ARHGAP39: variants seen among roughly 807,000 people sequenced by gnomAD.
ARHGAP39 encodes the protein rho GTPase-activating protein 39.
ARHGAP39 carries 44 observed loss-of-function variants against 106.9 expected under a neutral mutation model. The observed-to-expected ratio is 0.41, with a 90% confidence interval of 0.32 to 0.53. The LOEUF is 0.53. Among genes scored for constraint, ARHGAP39 ranks in the 20% least tolerant of loss-of-function variants. The pLI, the probability that ARHGAP39 is intolerant of heterozygous loss-of-function variation, is 0.21. For synonymous variants in ARHGAP39, 768 were observed against 693.2 expected, an observed-to-expected ratio of 1.11 and a Z score of -1.69; for missense variants, 1,496 against 1,577.3, an observed-to-expected ratio of 0.95 and a Z score of 0.87.
Position 144,646,524 on chromosome 8 carries a change from G to A in ARHGAP39, c.-82+39162C>T, listed in dbSNP as rs1821448296. On this transcript the variant is annotated intron_variant, in intron 1 of 11. Transcript: ENST00000377307. The surrounding 1 kb of genome is among the most constrained non-coding windows in gnomAD (Gnocchi z 5.7). ...TAGCAGGGACACCAAAAGACAGGAG[G>A]CGAATCGGCTGCCTCTGAGAACAAC... 6.6e-6 allele frequency among the ~76,000 whole-genome samples: 1 copy of A among 152,160 alleles called. No individual in the cohort carries two copies. The highest frequency in any genetic ancestry group is 2.1e-4 in the South Asian group (1 of 4,826).
intron 9 of ARHGAP39, among the ~76,000 whole-genome samples, 178 bp downstream of exon 9, chr8:144,532,948 G>A (rs1488402515): frequency 6.6e-6 from 1 of 152,204 alleles, no homozygotes; most frequent in African/African-American, 2.4e-5. Flanking sequence ...CCTCTCTCCT[G>A]GCCTGCACAC....
intron 2 of ARHGAP39, among the ~76,000 whole-genome samples, chr8:144,601,751 G>C (rs1350099746): frequency 2.1e-4 from 30 of 146,078 alleles, no homozygotes; most frequent in Non-Finnish European, 4.0e-4. Context: ...AGGCGTGTGT[G>C]CTCGTGAACC....
chr8:144,600,719 C>G (rs558893071), intron 2 of ARHGAP39, among the ~76,000 whole-genome samples: 42 of 141,016 alleles, frequency 3.0e-4, no homozygotes, highest in Non-Finnish European at 4.3e-4. Context: ...CACTTGTGTA[C>G]CTGAGTGTGC....
At chr8:144,690,700 A>C (rs1822724838), upstream of ARHGAP39, among the ~76,000 whole-genome samples, 1 of 149,950 alleles carries the variant, frequency 6.7e-6, no homozygotes. Context: ...GCTGGAGTGC[A>C]ATGGTATAAT....
the ARHGAP39 span, among the ~76,000 whole-genome samples, chr8:144,690,904 T>C: frequency 6.6e-6 from 1 of 151,572 alleles, no homozygotes; most frequent in Non-Finnish European, 1.5e-5. Flanking sequence ...GTGATATGCC[T>C]GCCTCAGCCT....
chr8:144,556,014 G>C (rs560524131), intron 3 of ARHGAP39, among the ~76,000 whole-genome samples: 16 of 152,344 alleles, frequency 1.1e-4, no homozygotes, highest in Non-Finnish European at 1.9e-4. Context: ...GACCAGGCAC[G>C]GTGGCTCACG....
intron 2 of ARHGAP39, among the ~76,000 whole-genome samples, chr8:144,597,864 T>G (rs1383197670): frequency 6.6e-6 from 1 of 152,000 alleles, no homozygotes; most frequent in African/African-American, 2.4e-5. Flanking sequence ...GAGACCATAA[T>G]CCAGGCTCAG....
chr8:144,551,859 A>C (rs1408765710), intron 4 of ARHGAP39, among the ~76,000 whole-genome samples: 1 of 152,214 alleles, frequency 6.6e-6, no homozygotes, highest in Non-Finnish European at 1.5e-5. Context: ...CCTTTCAGCC[A>C]GTCCGGCCTC....
chr8:144,607,589 C>T (rs1198084143), intron 1 of ARHGAP39, among the ~76,000 whole-genome samples: 1 of 152,182 alleles, frequency 6.6e-6, no homozygotes, highest in African/African-American at 2.4e-5. Flanking sequence ...CAGGAGAGGC[C>T]ATTCCATAGA....
At position 144,647,837 on chromosome 8, in the gene ARHGAP39, G is replaced by A. The variant is rs1227932578; in HGVS notation, c.-82+37849C>T. Among the ~76,000 whole-genome samples, 2 of 152,250 alleles carry A rather than the reference G, an allele frequency of 1.3e-5. No homozygotes were observed. Among genetic ancestry groups the A allele is most frequent in the African/African-American group, 4.8e-5 (2 of 41,476 alleles). ...TGGAGAACAGTGTTTCCAAGCAAAA[G>A]TGCACCCATGTGCCAAGTACTGTAC... On this transcript the variant is annotated intron_variant, in intron 1 of 11. Coordinates refer to ENST00000377307, the MANE Select transcript of ARHGAP39 (RefSeq NM_025251.3). The surrounding 1 kb of genome is among the most constrained non-coding windows in gnomAD (Gnocchi z 4.8).
chr8:144,613,672 T>G (rs1475060172), intron 1 of ARHGAP39, among the ~76,000 whole-genome samples: 1 of 152,142 alleles, frequency 6.6e-6, no homozygotes, highest in Non-Finnish European at 1.5e-5. Flanking sequence ...TTTGAGTAAC[T>G]CGATGATGAT....
At chr8:144,656,925 T>C (rs2129668559) in intron 1 of ARHGAP39, among the ~76,000 whole-genome samples, 1 of 151,948 alleles carries the variant, frequency 6.6e-6, no homozygotes, top group Non-Finnish European at 1.5e-5. Context: ...GATAAATTCC[T>C]TGAACAACAC....
chr8:144,609,016 C>T (rs1305854436), intron 1 of ARHGAP39, among the ~76,000 whole-genome samples: 3 of 152,142 alleles, frequency 2.0e-5, no homozygotes, highest in Non-Finnish European at 4.4e-5. Flanking sequence ...AGTTTTACTT[C>T]TTCCTTTCCA....
At chr8:144,681,571 A>C (rs963749669) in intron 1 of ARHGAP39, among the ~76,000 whole-genome samples, 2 of 152,214 alleles carry the variant, frequency 1.3e-5, no homozygotes, top group African/African-American at 4.8e-5. Flanking sequence ...ACAGCACCAA[A>C]GAAGCCAGTA....
intron 3 of ARHGAP39, among the ~76,000 whole-genome samples, chr8:144,576,332 C>CAAAAAAAA (rs67038997): frequency 1.6e-5 from 1 of 63,812 alleles, no homozygotes; most frequent in Non-Finnish European, 3.0e-5. Flanking sequence ...GACTCCGTCT[C>CAAAAAAAA]AAAAAAAAAA....
chr8:144,593,966 G>A (rs766992095), intron 2 of ARHGAP39, among the ~76,000 whole-genome samples: 3 of 151,800 alleles, frequency 2.0e-5, no homozygotes, highest in Non-Finnish European at 2.9e-5. Context: ...GCTCATGCCC[G>A]TAGTCCCAGC....
In ARHGAP39 at chr8:144,645,973, A is replaced by ATGGCCCAGC. The variant is rs1285650076; in HGVS notation, c.-82+39704_-82+39712dup. 2.0e-5 allele frequency among the ~76,000 whole-genome samples: 3 copies of ATGGCCCAGC among 152,200 alleles called. No homozygotes were observed. Among genetic ancestry groups the ATGGCCCAGC allele is most frequent in the African/African-American group, 7.2e-5 (3 of 41,460 alleles). On this transcript the variant is annotated intron_variant, in intron 1 of 11. Transcript: ENST00000377307. The surrounding 1 kb of genome is among the most constrained non-coding windows in gnomAD (Gnocchi z 4.4). ...TGTGTAACAACAGGGTAACACCCAG[A>ATGGCCCAGC]TGGCCCAGCTGGCTCTGTGGCCGAG...
chr8:144,563,753 T>C (rs1818291171), intron 3 of ARHGAP39, among the ~76,000 whole-genome samples: 2 of 152,116 alleles, frequency 1.3e-5, no homozygotes, highest in South Asian at 4.1e-4. Context: ...ATCACACCAC[T>C]GCATTCTAGC....
the ARHGAP39 span, among the ~76,000 whole-genome samples, chr8:144,695,978 G>A: frequency 1.3e-5 from 2 of 152,160 alleles, no homozygotes; most frequent in African/African-American, 4.8e-5. Context: ...TCTTAGCTAA[G>A]GGAGAGTCAA....
Sources: gnomAD v4.1 joint callset for allele counts (sites outside exome capture counted in the v4.1 genomes callset) on GRCh38, gnomAD v4.1.1 for gene constraint, Gnocchi (gnomAD v3.1) non-coding constraint, MANE v1.5 for transcripts, NCBI Gene and HGNC (gene_info 2026-07-23, HGNC 2026-07-21) for gene names.